The following CLIC5 variants were observed in gnomAD, a reference collection of about 807,000 sequenced individuals.
The protein encoded by CLIC5 is chloride intracellular channel protein 5.
In CLIC5, 20 loss-of-function variants were observed where a neutral mutation model predicts 24.7. The observed-to-expected ratio is 0.81, with a 90% confidence interval of 0.57 to 1.18. The LOEUF is 1.18. Among genes scored for constraint, CLIC5 ranks in the 50% most tolerant of loss-of-function variants. CLIC5 has a pLI of 0.00. For synonymous variants in CLIC5, 159 were observed against 135.6 expected (o/e 1.17, Z -1.20); for missense variants, 341 against 326.1 (o/e 1.05, Z -0.35).
intron 1 of CLIC5, among the ~76,000 whole-genome samples, chr6:46,011,401 C>A (rs1766804218): frequency 6.6e-6 from 1 of 152,202 alleles, no homozygotes; most frequent in Non-Finnish European, 1.5e-5. Context: ...CAGTGGCTCT[C>A]CACCAGGGCT....
intron 4 of CLIC5, among the ~76,000 whole-genome samples, chr6:45,929,288 A>C (rs1182234365): frequency 1.3e-5 from 2 of 152,198 alleles, no homozygotes; most frequent in African/African-American, 2.4e-5. Context: ...GGAATCCCTC[A>C]GGCAGCTCAT....
At chr6:46,013,119 G>A (rs1490269061) in intron 1 of CLIC5, among the ~76,000 whole-genome samples, 1 of 152,168 alleles carries the variant, frequency 6.6e-6, no homozygotes, top group East Asian at 1.9e-4. Context: ...AAGAGGTTGG[G>A]AGGTCCTTCC....
At chr6:45,889,905 A>G (rs976801204) in intron 6 of CLIC5, among the ~76,000 whole-genome samples, 7 of 152,176 alleles carry the variant, frequency 4.6e-5, no homozygotes, top group African/African-American at 1.7e-4. Flanking sequence ...TTAAAAGTAG[A>G]CCAGTTAAGT....
At chr6:46,087,328 C>T in the CLIC5 span, among the ~76,000 whole-genome samples, 1 of 152,112 alleles carries the variant, frequency 6.6e-6, no homozygotes, top group African/African-American at 2.4e-5. Context: ...TCACTGAAAC[C>T]ATCTTGTTTG....
the CLIC5 span, among the ~76,000 whole-genome samples, chr6:46,117,864 T>G: frequency 6.6e-6 from 1 of 152,232 alleles, no homozygotes; most frequent in East Asian, 1.9e-4. Context: ...TAAAGCTGAT[T>G]AGCAACAATT....
the CLIC5 span, chr6:46,102,715 T>C: frequency 7.9e-5 from 12 of 152,584 alleles, no homozygotes; most frequent in African/African-American, 2.4e-4. Context: ...ACAGAGCTCA[T>C]AGGGTAGTTG....
the CLIC5 span, among the ~76,000 whole-genome samples, chr6:46,121,151 G>A: frequency 6.6e-6 from 1 of 152,082 alleles, no homozygotes; most frequent in Admixed American, 6.5e-5. Context: ...AAGTTGAAAT[G>A]AAGGAAAAAA....
Position 46,060,603 on chromosome 6 carries a change from A to G in CLIC5, c.540+19100T>C, listed in dbSNP as rs550848182. 3.3e-5 allele frequency among the ~76,000 whole-genome samples: 5 copies of G among 152,304 alleles called. No homozygotes were observed. The East Asian group carries it at 9.6e-4, about 29-fold the overall frequency. On this transcript the variant is annotated intron_variant, in intron 1 of 5. Transcript: ENST00000185206. Reference sequence around the variant, plus strand: ...TTGAACCCACACGCTCTTGCTTGAGAGTGTATGCTTTGATCCACTATGCTA... The same window carrying G: ...TTGAACCCACACGCTCTTGCTTGAGGGTGTATGCTTTGATCCACTATGCTA...
At chr6:45,982,865 A>C (rs1414490628) in intron 1 of CLIC5, among the ~76,000 whole-genome samples, 1 of 152,176 alleles carries the variant, frequency 6.6e-6, no homozygotes, top group East Asian at 1.9e-4. Flanking sequence ...TGACACTTTT[A>C]TCTCTTTTCT....
Position 45,899,445 on chromosome 6 carries a change from T to TA in CLIC5, c.*3642dup, listed in dbSNP as rs1280230673. On this transcript the variant is annotated 3_prime_UTR_variant, in exon 6 of 6. Transcript: ENST00000339561. The stretch of plus-strand genomic sequence containing the variant: ...AATTGAGGCGAGTCACAGAAGTACT[T>TA]ACCAAATACTCACCTGCTGCTTCTA... 6.6e-6 allele frequency: 1 copy of TA among 152,240 alleles called. No individual in the cohort carries two copies. Among genetic ancestry groups the TA allele is most frequent in the African/African-American group, 2.4e-5 (1 of 41,452 alleles). The allele number at this position is 152,240 out of a possible 1,614,324, so 9.4% of individuals were successfully genotyped here.
chr6:46,124,714 T>C, the CLIC5 span, among the ~76,000 whole-genome samples: 1 of 151,924 alleles, frequency 6.6e-6, no homozygotes. Context: ...TACAAAGAAC[T>C]CAAACAAATT....
intron 1 of CLIC5, among the ~76,000 whole-genome samples, chr6:46,046,385 C>A (rs117983566): frequency 6.6e-6 from 1 of 152,084 alleles, no homozygotes; most frequent in Non-Finnish European, 1.5e-5. Flanking sequence ...ACAAAAGAAA[C>A]GAAATGAAGT....
intron 1 of CLIC5, among the ~76,000 whole-genome samples, chr6:45,990,278 C>A (rs376447503): frequency 6.6e-6 from 1 of 152,218 alleles, no homozygotes; most frequent in East Asian, 1.9e-4. Flanking sequence ...TGCCCTATTA[C>A]TTTTTAAAGT....
the CLIC5 span, among the ~76,000 whole-genome samples, chr6:46,089,201 T>C: frequency 6.6e-6 from 1 of 152,146 alleles, no homozygotes; most frequent in Admixed American, 6.6e-5. Context: ...GTATTTATTG[T>C]TTAACAGAAG....
intron 4 of CLIC5, among the ~76,000 whole-genome samples, chr6:45,937,087 T>A (rs1763965314): frequency 6.6e-6 from 1 of 151,582 alleles, no homozygotes; most frequent in African/African-American, 2.4e-5. Flanking sequence ...GCTGCTGAGG[T>A]ATGAGAGTTG....
chr6:45,901,851 AT>A lies in CLIC5; in HGVS notation c.*1236del, dbSNP rs2127292873. On this transcript the variant is annotated 3_prime_UTR_variant, in exon 6 of 6. Coordinates refer to ENST00000339561, the MANE Select transcript of CLIC5 (RefSeq NM_016929.5). Reference sequence around the variant, plus strand: ...ACATTTTTCTTCAAGTTCAAACCACATGGTTTCCTAGTCAGAAAGTCTCATG... The same window carrying A: ...ACATTTTTCTTCAAGTTCAAACCACAGGTTTCCTAGTCAGAAAGTCTCATG... The A allele has an allele frequency of 6.6e-6, 1 of 152,504 alleles. No individual in the cohort carries two copies. Among genetic ancestry groups the A allele is most frequent in the South Asian group, 2.1e-4 (1 of 4,804 alleles). The allele number at this position is 152,504 out of a possible 1,614,324, so 9.4% of individuals were successfully genotyped here. A position where few individuals can be genotyped will look rare whatever the true frequency, so the allele number is the denominator to read the frequency against.
chr6:45,967,603 T>C (rs1465149390), intron 1 of CLIC5, among the ~76,000 whole-genome samples: 2 of 152,168 alleles, frequency 1.3e-5, no homozygotes, highest in African/African-American at 4.8e-5. Flanking sequence ...TGTTTTTGTG[T>C]TCTGTAAAGA....
chr6:45,931,267 C>T lies in CLIC5; in HGVS notation c.406+10280G>A, dbSNP rs1420576597. Among the ~76,000 whole-genome samples the T allele has an allele frequency of 2.0e-5, 3 of 152,116 alleles. No individual in the cohort carries two copies. In the East Asian group the frequency reaches 5.8e-4, roughly 29 times the overall value. On this transcript the variant is annotated intron_variant, in intron 4 of 5. Coordinates refer to ENST00000339561, the MANE Select transcript of CLIC5 (RefSeq NM_016929.5). The stretch of plus-strand genomic sequence containing the variant: ...TCTGACCCTATATAGAGAAAGTTTG[C>T]CAAGCCCTGACTTATGAGGAAGAGC...
intron 4 of CLIC5, chr6:45,919,112 T>C: frequency 2.0e-6 from 2 of 985,332 alleles, no homozygotes; most frequent in Non-Finnish European, 2.4e-6. Flanking sequence ...TCGTCCATTT[T>C]GGATTATAAC....
Sources: allele counts gnomAD v4.1 joint callset (sites outside exome capture counted in the v4.1 genomes callset), GRCh38; gene constraint gnomAD v4.1.1; transcripts MANE v1.5; gene names NCBI Gene and HGNC (gene_info 2026-07-23, HGNC 2026-07-21).